The following THRB variants were observed in gnomAD, a reference collection of about 807,000 sequenced individuals.
THRB encodes the protein thyroid hormone receptor beta.
Under a neutral mutation model 47.8 loss-of-function variants are expected in THRB, and 12 were observed. That is an observed-to-expected ratio of 0.25 (90% confidence interval 0.16 to 0.41). The LOEUF is 0.41. THRB is among the 10% of genes least tolerant of loss of function. THRB has a pLI of 1.00. For synonymous variants in THRB, 218 were observed against 212.2 expected, an observed-to-expected ratio of 1.03 and a Z score of -0.24; for missense variants, 348 against 589.2, an observed-to-expected ratio of 0.59 and a Z score of 4.24.
chr3:24,461,360 T>C (rs968217802), intron 1 of THRB, among the ~76,000 whole-genome samples: 2 of 152,232 alleles, frequency 1.3e-5, no homozygotes, highest in Admixed American at 6.5e-5. Flanking sequence ...TTAAGCGTAA[T>C]GTTTATCAAG....
At chr3:24,133,800 C>T (rs1011154337) in intron 8 of THRB, among the ~76,000 whole-genome samples, 6 of 151,984 alleles carry the variant, frequency 3.9e-5, no homozygotes, top group African/African-American at 1.4e-4. Flanking sequence ...ACATAAATTC[C>T]AGGGGCTCTG....
intron 1 of THRB, among the ~76,000 whole-genome samples, chr3:24,472,204 C>G (rs1269016696): frequency 6.6e-6 from 1 of 152,170 alleles, no homozygotes; most frequent in Non-Finnish European, 1.5e-5. Flanking sequence ...AAGGTTCATA[C>G]TTTGCCTGCT....
At chr3:24,332,341 G>A (rs1264025875) in intron 2 of THRB, among the ~76,000 whole-genome samples, 1 of 152,140 alleles carries the variant, frequency 6.6e-6, no homozygotes, top group Non-Finnish European at 1.5e-5. Context: ...CCCTGCTGAC[G>A]ATAGAACCAC....
chr3:24,475,445 A>G (rs1239528090), intron 1 of THRB, among the ~76,000 whole-genome samples: 2 of 152,142 alleles, frequency 1.3e-5, no homozygotes, highest in African/African-American at 2.4e-5. Context: ...TATATATACA[A>G]TGTTAGAATT....
intron 1 of THRB, among the ~76,000 whole-genome samples, chr3:24,377,838 C>G (rs1267545192): frequency 1.3e-5 from 2 of 152,018 alleles, no homozygotes; most frequent in Non-Finnish European, 2.9e-5. Context: ...TGGCAAAATT[C>G]CATGAGTCTA....
At chr3:24,153,299 T>C (rs2037307322) in intron 5 of THRB, among the ~76,000 whole-genome samples, 1 of 152,110 alleles carries the variant, frequency 6.6e-6, no homozygotes, top group South Asian at 2.1e-4. Flanking sequence ...TCACTGGAAA[T>C]TACAGGCAGG....
chr3:24,420,332 G>A (rs2069121910), intron 1 of THRB, among the ~76,000 whole-genome samples: 1 of 151,836 alleles, frequency 6.6e-6, no homozygotes, highest in Admixed American at 6.6e-5. Flanking sequence ...CAGGACACAT[G>A]TCCACGTAGT....
intron 5 of THRB, among the ~76,000 whole-genome samples, chr3:24,157,872 T>C (rs1431799949): frequency 6.6e-6 from 1 of 152,210 alleles, no homozygotes; most frequent in African/African-American, 2.4e-5. Context: ...ATAGTATAGT[T>C]TAATGTATAA....
At chr3:24,276,734 C>G (rs1019273181) in intron 3 of THRB, among the ~76,000 whole-genome samples, 1 of 152,200 alleles carries the variant, frequency 6.6e-6, no homozygotes, top group Admixed American at 6.5e-5. Flanking sequence ...AATGCTATAA[C>G]AGACGTGGAG....
chr3:24,471,152 G>T (rs557915692), intron 1 of THRB, among the ~76,000 whole-genome samples: 1 of 152,298 alleles, frequency 6.6e-6, no homozygotes, highest in African/African-American at 2.4e-5. Flanking sequence ...TCCCAGATTT[G>T]AGTAGAATTG....
chr3:24,225,427 T>C (rs1472016854), intron 4 of THRB, among the ~76,000 whole-genome samples: 1 of 152,188 alleles, frequency 6.6e-6, no homozygotes, highest in African/African-American at 2.4e-5. Context: ...GGGAATACAT[T>C]ATTCACATTA....
rs1222272965 is a variant in THRB at position 24,434,270 on chromosome 3, T to G, written c.-261+60382A>C. 3.3e-5 allele frequency among the ~76,000 whole-genome samples: 5 copies of G among 152,334 alleles called. No homozygotes were observed. The South Asian group carries it at 1.0e-3, about 32-fold the overall frequency. ...CTCGCTTTAAGGGTCCATATAGATT[T>G]GCCTTGGAGCCTTCTGTTTTTAATT... On this transcript the variant is annotated intron_variant, in intron 1 of 10. Transcript: ENST00000646209.
intron 1 of THRB, among the ~76,000 whole-genome samples, chr3:24,488,599 A>C (rs1402742026): frequency 6.6e-6 from 1 of 151,908 alleles, no homozygotes; most frequent in African/African-American, 2.4e-5. Context: ...GTCTCAGCAG[A>C]TCTGAGACAG....
rs1343792592 is a variant in THRB, at chr3:24,121,420, G to A, written c.*1464C>T. ...TATTTCCAGGATAAGGCAGTAAAAGGTAGGCAAAGGAATAGTTTATATCTA... is the reference window on the plus strand; with the variant it reads ...TATTTCCAGGATAAGGCAGTAAAAGATAGGCAAAGGAATAGTTTATATCTA... On this transcript the variant is annotated 3_prime_UTR_variant, in exon 11 of 11. Coordinates refer to ENST00000646209, the MANE Select transcript of THRB (RefSeq NM_001354712.2). The A allele has an allele frequency of 2.6e-5, 4 of 152,574 alleles. No individual in the cohort carries two copies. Among genetic ancestry groups the A allele is most frequent in the African/African-American group, 9.7e-5 (4 of 41,428 alleles). The allele number at this position is 152,574 out of a possible 1,614,324, so 9.5% of individuals were successfully genotyped here.
In THRB at chr3:24,307,356, C is replaced by T. The variant is rs115061032; in HGVS notation, c.-188-9985G>A. 1.3e-3 allele frequency among the ~76,000 whole-genome samples: 193 copies of T among 151,846 alleles called. 1 individual carries two copies. The highest frequency in any genetic ancestry group is 3.4e-3 in the Middle Eastern group (1 of 292). ...ACTAGTAATGCAACTATTCAGATCTCTCAATTCTTATTTCCTTTAGTTTTT... is the reference window on the plus strand; with the variant it reads ...ACTAGTAATGCAACTATTCAGATCTTTCAATTCTTATTTCCTTTAGTTTTT... On this transcript the variant is annotated intron_variant, in intron 2 of 10. Transcript: ENST00000646209.
chr3:24,288,821 C>T (rs185810406), intron 3 of THRB, among the ~76,000 whole-genome samples: 83 of 152,256 alleles, frequency 5.5e-4, no homozygotes, highest in African/African-American at 1.8e-3. Context: ...CAGTTCACTG[C>T]GTTTCTTAAG....
chr3:24,406,773 TAGAG>T (rs1424949923), intron 1 of THRB, among the ~76,000 whole-genome samples: 2 of 151,970 alleles, frequency 1.3e-5, no homozygotes, highest in East Asian at 3.9e-4. Flanking sequence ...CACTAAATAA[TAGAG>T]AGAGACATCA....
chr3:24,292,387 A>T (rs2056017512), intron 3 of THRB, among the ~76,000 whole-genome samples: 1 of 152,172 alleles, frequency 6.6e-6, no homozygotes, highest in Admixed American at 6.5e-5. Context: ...TGTAAAAATT[A>T]AGTCTTTCAG....
intron 5 of THRB, among the ~76,000 whole-genome samples, chr3:24,153,893 G>T (rs1463432433): frequency 6.6e-6 from 1 of 152,138 alleles, no homozygotes; most frequent in Non-Finnish European, 1.5e-5. Flanking sequence ...TTCCAATAAA[G>T]ATTAGCTAGG....
Sources: allele counts gnomAD v4.1 joint callset (sites outside exome capture counted in the v4.1 genomes callset), GRCh38; gene constraint gnomAD v4.1.1; transcripts MANE v1.5; gene names NCBI Gene and HGNC (gene_info 2026-07-23, HGNC 2026-07-21).